Variants in NPFFR2 observed in about 807,000 individuals in gnomAD.
NPFFR2 encodes neuropeptide FF receptor 2, also known as G-protein coupled receptor 74.
In NPFFR2, 15 loss-of-function variants were observed where a neutral mutation model predicts 13.1. The observed-to-expected ratio is 1.15, with a 90% CI of 0.77 to 1.76. The LOEUF is 1.76. Ranked by LOEUF, NPFFR2 falls within the 40% of genes most tolerant of loss-of-function variation. The pLI, the probability that NPFFR2 is intolerant of heterozygous loss-of-function variation, is 0.00. For synonymous variants in NPFFR2, 190 were observed against 175.7 expected, an observed-to-expected ratio of 1.08 and a Z score of -0.65; for missense variants, 572 against 503.5, an observed-to-expected ratio of 1.14 and a Z score of -1.30.
intron 1 of NPFFR2, among the ~76,000 whole-genome samples, chr4:72,038,934 A>C (rs1402095695): frequency 1.8e-5 from 1 of 56,302 alleles, no homozygotes; most frequent in Non-Finnish European, 3.2e-5. Flanking sequence ...TTTGAGATGG[A>C]GTCTCTGTCG....
At chr4:72,082,441 G>C (rs954297585) in intron 1 of NPFFR2, among the ~76,000 whole-genome samples, 5 of 152,012 alleles carry the variant, frequency 3.3e-5, no homozygotes, top group Non-Finnish European at 5.9e-5. Context: ...TATCTATTTT[G>C]CCAAATTCAA....
In NPFFR2 at chr4:72,128,926, T is replaced by G; in HGVS notation, c.328+7T>G. The G allele has an allele frequency of 6.3e-7, 1 of 1,589,624 alleles. No homozygotes were observed. Among genetic ancestry groups the G allele is most frequent in the Non-Finnish European group, 8.6e-7 (1 of 1,160,844 alleles). The stretch of plus-strand genomic sequence containing the variant: ...CTGGACAATATTATAGCAGGTATGT[T>G]GGCTTTTGTGCAGTTTGAAGATAAT... On this transcript the variant is annotated splice_region_variant and intron_variant, in intron 2 of 3. Transcript: ENST00000308744.
chr4:72,086,577 G>A (rs933625061), intron 1 of NPFFR2, among the ~76,000 whole-genome samples: 2 of 152,040 alleles, frequency 1.3e-5, no homozygotes, highest in African/African-American at 2.4e-5. Flanking sequence ...TTTTCTTGAT[G>A]ATTATAAGGA....
intron 1 of NPFFR2, among the ~76,000 whole-genome samples, chr4:72,068,257 T>C (rs1169016258): frequency 1.3e-5 from 2 of 152,092 alleles, no homozygotes; most frequent in East Asian, 3.9e-4. Flanking sequence ...TGTGGGCAGG[T>C]TAGTTGTCTG....
chr4:72,054,731 T>A (rs1469969918), intron 1 of NPFFR2, among the ~76,000 whole-genome samples: 1 of 151,848 alleles, frequency 6.6e-6, no homozygotes, highest in African/African-American at 2.4e-5. Flanking sequence ...GTTTTGAAAA[T>A]ATATATTTTA....
chr4:72,099,016 T>G (rs1376631622), intron 1 of NPFFR2, among the ~76,000 whole-genome samples: 1 of 152,184 alleles, frequency 6.6e-6, no homozygotes, highest in Non-Finnish European at 1.5e-5. Context: ...CTAGCTCAGT[T>G]GCCAAGTGCA....
rs73826043 is a variant in NPFFR2, at chr4:72,037,546, A to T, written c.-8+5346A>T. ...ATCACATCTTCCAGTCTTTGTAAGG[A>T]TGCTGTATCTCATTTATAATAGACA... On this transcript the variant is annotated intron_variant, in intron 1 of 3. Coordinates refer to ENST00000308744, the MANE Select transcript of NPFFR2 (RefSeq NM_004885.3). 2.4e-3 allele frequency among the ~76,000 whole-genome samples: 362 copies of T among 152,194 alleles called. 4 individuals carry two copies. The highest frequency in any genetic ancestry group is 7.9e-3 in the African/African-American group (330 of 41,522).
intron 1 of NPFFR2, among the ~76,000 whole-genome samples, chr4:72,092,616 C>T (rs536815320): frequency 2.2e-4 from 33 of 152,006 alleles, no homozygotes; most frequent in African/African-American, 7.2e-4. Flanking sequence ...TTTAAACTGC[C>T]GTTGCTTTAA....
chr4:72,147,210 A>T lies in NPFFR2; in HGVS notation c.661A>T (p.Thr221Ser). 6.2e-7 allele frequency: 1 copy of T among 1,614,144 alleles called. No individual in the cohort carries two copies. Among genetic ancestry groups the T allele is most frequent in the East Asian group, 2.2e-5 (1 of 44,880 alleles). The change falls in exon 4 of 4, where the codon ACT becomes TCT. Residue 221 changes from threonine to serine, a missense_variant. Coordinates refer to ENST00000308744, the MANE Select transcript of NPFFR2 (RefSeq NM_004885.3). ...PNQEMRKIYT[T>S]VLFANIYLAP... is the part of the protein sequence containing the mutation. ...TCAGGAAATGAGGAAGATCTACACC[A>T]CTGTGCTGTTTGCCAACATCTACCT...
chr4:72,146,944 G>A (rs1722797952), intron 3 of NPFFR2, 34 bp from the exon 4 acceptor site: 1 of 1,436,674 alleles, frequency 7.0e-7, no homozygotes. Flanking sequence ...AAGTGATGAA[G>A]CAGTGCCTCA....
chr4:72,097,198 C>G (rs114441652), intron 1 of NPFFR2, among the ~76,000 whole-genome samples: 2 of 152,130 alleles, frequency 1.3e-5, no homozygotes, highest in Non-Finnish European at 2.9e-5. Flanking sequence ...TATAGTTTCA[C>G]TAATAATTCA....
At chr4:72,071,754 A>C (rs943164806) in intron 1 of NPFFR2, among the ~76,000 whole-genome samples, 2 of 152,080 alleles carry the variant, frequency 1.3e-5, no homozygotes, top group Non-Finnish European at 2.9e-5. Context: ...GTTACTTCTG[A>C]TTGCAGATGC....
At chr4:72,043,241 A>G (rs1023461061) in intron 1 of NPFFR2, among the ~76,000 whole-genome samples, 1 of 147,028 alleles carries the variant, frequency 6.8e-6, no homozygotes, top group Non-Finnish European at 1.5e-5. Flanking sequence ...GTCCAGGCAG[A>G]GGTATGCTGC....
chr4:72,056,989 T>A (rs1578426745), intron 1 of NPFFR2, among the ~76,000 whole-genome samples: 2 of 152,022 alleles, frequency 1.3e-5, no homozygotes, highest in Non-Finnish European at 2.9e-5. Flanking sequence ...TGGACATTGT[T>A]GAAATGGCAA....
At chr4:72,069,878 A>G (rs926014755) in intron 1 of NPFFR2, among the ~76,000 whole-genome samples, 17 of 152,140 alleles carry the variant, frequency 1.1e-4, no homozygotes, top group Non-Finnish European at 2.2e-4. Context: ...ATATAAAAAA[A>G]TTGATCATAC....
intron 1 of NPFFR2, among the ~76,000 whole-genome samples, chr4:72,104,853 A>C (rs889159692): frequency 6.6e-6 from 1 of 151,808 alleles, no homozygotes; most frequent in Admixed American, 6.6e-5. Context: ...TGAAGTATAC[A>C]CTCATAGGGT....
chr4:72,068,889 A>G, intron 1 of NPFFR2: 1 of 699,566 alleles, frequency 1.4e-6, no homozygotes, highest in Non-Finnish European at 2.2e-6. Flanking sequence ...CTAGACACAT[A>G]TGGTTTGATT....
intron 1 of NPFFR2, among the ~76,000 whole-genome samples, chr4:72,076,052 C>G (rs968507164): frequency 7.0e-6 from 1 of 143,096 alleles, no homozygotes. Flanking sequence ...CAGGAAGGAA[C>G]AAAGCACTTT....
rs1025719017 is a variant in NPFFR2 at position 72,075,976 on chromosome 4, T to TACACACAC, written c.-8+43800_-8+43807dup. On this transcript the variant is annotated intron_variant, in intron 1 of 3. Transcript: ENST00000308744. ...TCTCTGTCACACACACACACACACATACACACACACACACACACACACACA... is the reference window on the plus strand; with the variant it reads ...TCTCTGTCACACACACACACACACATACACACACACACACACACACACACACACACACA... Among the ~76,000 whole-genome samples, 372 of 83,156 alleles carry TACACACAC rather than the reference T, an allele frequency of 4.5e-3. 3 individuals are homozygous for TACACACAC. Among genetic ancestry groups the TACACACAC allele is most frequent in the African/African-American group, 0.017 (359 of 21,500 alleles). The allele number at this position is 83,156 out of a possible 152,430, so 54.6% of individuals were successfully genotyped here. A position where few individuals can be genotyped will look rare whatever the true frequency, so the allele number is the denominator to read the frequency against.
Sources: gnomAD v4.1 joint callset for allele counts (sites outside exome capture counted in the v4.1 genomes callset) on GRCh38, gnomAD v4.1.1 for gene constraint, MANE v1.5 for transcripts, NCBI Gene and HGNC (gene_info 2026-07-23, HGNC 2026-07-21) for gene names.